Variants in ASTN2 observed in about 807,000 individuals in gnomAD.
The protein encoded by ASTN2 is astrotactin 2.
ASTN2 carries 54 observed loss-of-function variants against 139.8 expected under a neutral mutation model. The ratio of observed to expected loss-of-function variants is 0.39; its 90% confidence interval spans 0.31 to 0.48. The LOEUF (loss-of-function observed/expected upper bound fraction) is 0.48. ASTN2 is among the 20% of genes least tolerant of loss of function. The pLI is 0.95. For missense variants in ASTN2, 1,565 were observed against 1,725.1 expected, an observed-to-expected ratio of 0.91 and a Z score of 1.64; for synonymous variants, 756 against 719.5, an observed-to-expected ratio of 1.05 and a Z score of -0.81.
chr9:116,999,234 G>A (rs1181254913), intron 7 of ASTN2, among the ~76,000 whole-genome samples: 1 of 152,162 alleles, frequency 6.6e-6, no homozygotes, highest in Non-Finnish European at 1.5e-5. Flanking sequence ...ATTTTGAGCG[G>A]AGAATATCCT....
At chr9:116,946,946 A>AAC (rs1554764012) in intron 10 of ASTN2, among the ~76,000 whole-genome samples, 1 of 151,500 alleles carries the variant, frequency 6.6e-6, no homozygotes, top group Non-Finnish European at 1.5e-5. Context: ...CAAAAAAAAA[A>AAC]AAAAACAACC....
chr9:117,191,793 C>A (rs952310715), intron 3 of ASTN2, among the ~76,000 whole-genome samples: 1 of 152,206 alleles, frequency 6.6e-6, no homozygotes, highest in Non-Finnish European at 1.5e-5. Flanking sequence ...ATTTACCAAA[C>A]CTCCTTCAAC....
At chr9:117,042,981 C>T (rs1266455017) in intron 5 of ASTN2, among the ~76,000 whole-genome samples, 1 of 152,100 alleles carries the variant, frequency 6.6e-6, no homozygotes, top group Admixed American at 6.5e-5. Flanking sequence ...AGTGATTCTC[C>T]TGCCTCAGCC....
chr9:117,001,863 C>T (rs951019393), intron 7 of ASTN2, among the ~76,000 whole-genome samples: 4 of 151,956 alleles, frequency 2.6e-5, no homozygotes, highest in Admixed American at 2.0e-4. Context: ...TATTTTTATA[C>T]CTGTGAGAAT....
At chr9:117,117,448 T>G (rs1038962123) in intron 4 of ASTN2, among the ~76,000 whole-genome samples, 1 of 150,184 alleles carries the variant, frequency 6.7e-6, no homozygotes, top group African/African-American at 2.5e-5. Flanking sequence ...GTCAACAGGC[T>G]GTTTTAGGAA....
chr9:117,008,075 C>T lies in ASTN2; in HGVS notation c.1591+17G>A, dbSNP rs140518964. Reference sequence around the variant, plus strand: ...CCTCTCCCACCTTCTATCCCCATCCCGGCTCCCATGGCTCACCGGTTTCTG... The same window carrying T: ...CCTCTCCCACCTTCTATCCCCATCCTGGCTCCCATGGCTCACCGGTTTCTG... On this transcript the variant is annotated intron_variant, in intron 7 of 22. Transcript: ENST00000313400. 1.3e-4 allele frequency: 207 copies of T among 1,566,616 alleles called. No individual in the cohort carries two copies. In the African/African-American group the frequency reaches 2.2e-3, roughly 17 times the overall value.
intron 17 of ASTN2, among the ~76,000 whole-genome samples, chr9:116,633,071 T>C (rs1323486324): frequency 2.6e-5 from 4 of 152,202 alleles, no homozygotes; most frequent in African/African-American, 7.2e-5. Context: ...ATCGGGGCAA[T>C]AGATTGTGCT....
chr9:117,371,451 T>C (rs1829987923), intron 1 of ASTN2, among the ~76,000 whole-genome samples: 1 of 152,172 alleles, frequency 6.6e-6, no homozygotes, highest in African/African-American at 2.4e-5. Context: ...AAAGTGTCCT[T>C]TCACCTGCTG....
chr9:117,112,957 T>C (rs551969071), intron 4 of ASTN2, among the ~76,000 whole-genome samples: 1 of 152,148 alleles, frequency 6.6e-6, no homozygotes, highest in Non-Finnish European at 1.5e-5. Context: ...TACCTAAAAA[T>C]ATATGAATGC....
At chr9:116,795,732 C>T (rs1359466429) in intron 13 of ASTN2, among the ~76,000 whole-genome samples, 1 of 152,084 alleles carries the variant, frequency 6.6e-6, no homozygotes, top group Non-Finnish European at 1.5e-5. Context: ...CTGTATGGCT[C>T]CTGGAACTGG....
At chr9:116,468,601 C>G (rs1339905905) in intron 20 of ASTN2, among the ~76,000 whole-genome samples, 1 of 152,210 alleles carries the variant, frequency 6.6e-6, no homozygotes, top group Admixed American at 6.5e-5. Context: ...GCTTTGGGAA[C>G]AGCTTCCCAA....
intron 19 of ASTN2, among the ~76,000 whole-genome samples, chr9:116,511,983 T>C (rs902829776): frequency 6.6e-5 from 10 of 152,104 alleles, no homozygotes; most frequent in Non-Finnish European, 1.3e-4. Flanking sequence ...TTTTGAAGGG[T>C]TTTTCGTGTC....
Position 116,576,304 on chromosome 9 carries a change from T to G in ASTN2, c.3355+42020A>C, listed in dbSNP as rs116335802. ...CTCATGACAACCTTGTGAATGGGGA[T>G]TAATATCCCTATTATACATGCAAGA... On this transcript the variant is annotated intron_variant, in intron 19 of 22. Transcript: ENST00000313400. Among the ~76,000 whole-genome samples, 1,435 of 152,292 alleles carry G rather than the reference T, an allele frequency of 9.4e-3. 24 individuals are homozygous for G. Among genetic ancestry groups the G allele is most frequent in the African/African-American group, 0.033 (1,391 of 41,552 alleles).
At chr9:116,466,407 C>T (rs867127865) in intron 20 of ASTN2, among the ~76,000 whole-genome samples, 4 of 152,190 alleles carry the variant, frequency 2.6e-5, no homozygotes, top group Non-Finnish European at 5.9e-5. Context: ...GCTCAGCAAA[C>T]GTTTCTCAAA....
intron 1 of ASTN2, among the ~76,000 whole-genome samples, chr9:117,341,112 G>A (rs1322885496): frequency 6.6e-6 from 1 of 152,186 alleles, no homozygotes; most frequent in Non-Finnish European, 1.5e-5. Context: ...CTCACATTTT[G>A]TGTTTTTTAA....
At chr9:116,775,329 G>C (rs2132192679) in intron 13 of ASTN2, among the ~76,000 whole-genome samples, 1 of 151,890 alleles carries the variant, frequency 6.6e-6, no homozygotes, top group Middle Eastern at 3.4e-3. Context: ...TGCTTTGCTA[G>C]AGTAGTTGTA....
rs546073322 is a variant in ASTN2, at chr9:117,122,364, T to G, written c.1168+18962A>C. On this transcript the variant is annotated intron_variant, in intron 4 of 22. Coordinates refer to ENST00000313400, the MANE Select transcript of ASTN2 (RefSeq NM_001365068.1). ...GCAAGCTCAAGGGATACAAATAAAC[T>G]GCAGTAGCAGATGGCCCAGGTCCCA... Among the ~76,000 whole-genome samples, 64 of 152,226 alleles carry G rather than the reference T, an allele frequency of 4.2e-4. 1 individual carries two copies. In the South Asian group the frequency reaches 0.013, roughly 32 times the overall value.
At chr9:116,885,162 G>GTA (rs997017739) in intron 10 of ASTN2, among the ~76,000 whole-genome samples, 3 of 152,026 alleles carry the variant, frequency 2.0e-5, no homozygotes, top group Non-Finnish European at 4.4e-5. Context: ...TAGTTAATGG[G>GTA]TATAAATATA....
At chr9:116,661,218 G>GAA (rs11449720) in intron 16 of ASTN2, among the ~76,000 whole-genome samples, 4 of 150,754 alleles carry the variant, frequency 2.7e-5, no homozygotes, top group African/African-American at 9.7e-5. Flanking sequence ...ACAGGAGGCT[G>GAA]AAAAAAAAAG....
Sources: allele counts gnomAD v4.1 joint callset (sites outside exome capture counted in the v4.1 genomes callset), GRCh38; gene constraint gnomAD v4.1.1; transcripts MANE v1.5; gene names NCBI Gene and HGNC (gene_info 2026-07-23, HGNC 2026-07-21).